Variants in CMIP observed in about 807,000 individuals in gnomAD.
The protein encoded by CMIP is c-Maf inducing protein, also known as C-Maf-inducing protein.
A neutral mutation model predicts 97.3 loss-of-function variants in CMIP; 13 were observed. That is an observed-to-expected ratio of 0.13 (90% CI 0.09 to 0.21). The LOEUF is 0.21. Ranked by LOEUF, CMIP falls within the 10% of genes least tolerant of loss-of-function variation. The pLI, the probability that CMIP is intolerant of heterozygous loss-of-function variation, is 1.00. For synonymous variants in CMIP, 538 were observed against 436.3 expected, an observed-to-expected ratio of 1.23 and a Z score of -2.91; for missense variants, 847 against 1,024.9, an observed-to-expected ratio of 0.83 and a Z score of 2.37.
chr16:81,678,125 G>A (rs1597236836), intron 9 of CMIP, 150 bp from the exon 10 acceptor site: 1 of 663,932 alleles, frequency 1.5e-6, no homozygotes, highest in Non-Finnish European at 2.5e-6. Context: ...CCCAGGCTGA[G>A]CCTCAGTTTC....
chr16:81,529,748 A>C (rs2090196979), intron 1 of CMIP, among the ~76,000 whole-genome samples: 1 of 152,194 alleles, frequency 6.6e-6, no homozygotes, highest in South Asian at 2.1e-4. Context: ...CCCGGCTTTA[A>C]GATGGAGGAA....
intron 15 of CMIP, 138 bp from the exon 16 acceptor site, chr16:81,701,522 C>G: frequency 1.7e-6 from 2 of 1,208,576 alleles, no homozygotes; most frequent in Admixed American, 1.8e-5. Flanking sequence ...GGTGATTTGC[C>G]CAGGCTTACA....
intron 1 of CMIP, among the ~76,000 whole-genome samples, chr16:81,546,612 C>G (rs1567571590): frequency 6.6e-6 from 1 of 152,222 alleles, no homozygotes; most frequent in Admixed American, 6.5e-5. Flanking sequence ...TGTGTGTCTC[C>G]TGCCTGCAGG....
chr16:81,491,914 A>AGTCTTC (rs2089412883), intron 1 of CMIP, among the ~76,000 whole-genome samples: 1 of 152,108 alleles, frequency 6.6e-6, no homozygotes, highest in Non-Finnish European at 1.5e-5. Context: ...CGTTTTACCT[A>AGTCTTC]GTCTTCGCCG....
intron 4 of CMIP, among the ~76,000 whole-genome samples, chr16:81,657,007 A>G (rs2092490500): frequency 6.6e-6 from 1 of 152,036 alleles, no homozygotes; most frequent in African/African-American, 2.4e-5. Flanking sequence ...TTCTCAGACT[A>G]GGTTGCTCAA....
At chr16:81,500,896 C>T (rs150044823) in intron 1 of CMIP, among the ~76,000 whole-genome samples, 4 of 152,240 alleles carry the variant, frequency 2.6e-5, no homozygotes, top group East Asian at 1.9e-4. Flanking sequence ...TGTGCATCTG[C>T]GTCTTTGAAG....
chr16:81,678,146 G>A (rs1488262066), intron 9 of CMIP, 129 bp from the exon 10 acceptor site: 2 of 691,904 alleles, frequency 2.9e-6, no homozygotes, highest in East Asian at 2.8e-5. Context: ...CTCATTTGTA[G>A]CACAGGAATG....
chr16:81,473,305 A>T (rs986631955), intron 1 of CMIP, among the ~76,000 whole-genome samples: 5 of 152,228 alleles, frequency 3.3e-5, no homozygotes, highest in Non-Finnish European at 7.3e-5. Flanking sequence ...GGAATGACAC[A>T]GAAAGGGCAG....
intron 4 of CMIP, among the ~76,000 whole-genome samples, chr16:81,653,302 C>G (rs555787929): frequency 6.6e-6 from 1 of 152,308 alleles, no homozygotes; most frequent in Admixed American, 6.5e-5. Flanking sequence ...TGCCTGGAGC[C>G]CTCCCCTTTC....
At chr16:81,548,274 C>T (rs1044919017) in intron 1 of CMIP, among the ~76,000 whole-genome samples, 3 of 151,954 alleles carry the variant, frequency 2.0e-5, no homozygotes, top group Non-Finnish European at 4.4e-5. Context: ...GCTAGGACTA[C>T]AGGCACAGGC....
intron 5 of CMIP, among the ~76,000 whole-genome samples, chr16:81,659,242 T>C (rs2092518558): frequency 6.6e-6 from 1 of 152,162 alleles, no homozygotes; most frequent in Non-Finnish European, 1.5e-5. Flanking sequence ...CAGACACAGA[T>C]AGAGAGCTGG....
intron 1 of CMIP, among the ~76,000 whole-genome samples, chr16:81,546,815 A>G (rs2090555294): frequency 1.3e-5 from 2 of 152,188 alleles, no homozygotes; most frequent in South Asian, 4.1e-4. Context: ...ATGTATGGCT[A>G]TTTACATTGA....
At chr16:81,632,731 TAC>T (rs2092180447) in intron 3 of CMIP, among the ~76,000 whole-genome samples, 1 of 152,180 alleles carries the variant, frequency 6.6e-6, no homozygotes, top group Non-Finnish European at 1.5e-5. Flanking sequence ...TGCCCCTGGC[TAC>T]AGAGCTGGGA....
At chr16:81,608,375 G>C (rs1366923650) in intron 2 of CMIP, among the ~76,000 whole-genome samples, 1 of 152,146 alleles carries the variant, frequency 6.6e-6, no homozygotes, top group Middle Eastern at 3.2e-3. Context: ...TCTCCTGGCT[G>C]TGCTTCTGTG....
intron 10 of CMIP, among the ~76,000 whole-genome samples, chr16:81,682,983 A>G (rs1489038584): frequency 1.3e-5 from 2 of 152,216 alleles, no homozygotes; most frequent in Non-Finnish European, 2.9e-5. Flanking sequence ...TGGGATTTGT[A>G]GTCATTTGGA....
At chr16:81,687,868 C>G (rs903064838) in intron 10 of CMIP, among the ~76,000 whole-genome samples, 6 of 152,214 alleles carry the variant, frequency 3.9e-5, no homozygotes, top group South Asian at 2.1e-4. Context: ...TATTGCTTCC[C>G]TGCTGTGGCC....
chr16:81,627,997 C>T lies in CMIP; in HGVS notation c.477+7071C>T, dbSNP rs562895175. On this transcript the variant is annotated intron_variant, in intron 3 of 20. Coordinates refer to ENST00000537098, the MANE Select transcript of CMIP (RefSeq NM_198390.3). This position sits in a 1 kb window ranked among gnomAD's most constrained non-coding sequence, Gnocchi z 4.6. ...GCTGCACCCTCAGGAGGGCGGGATC[C>T]ATCACCCTCATCCCCATGCAGGGGA... is the stretch of plus-strand genomic sequence containing the variant. 6.6e-6 allele frequency among the ~76,000 whole-genome samples: 1 copy of T among 152,252 alleles called. No individual in the cohort carries two copies. Among genetic ancestry groups the T allele is most frequent in the South Asian group, 2.1e-4 (1 of 4,834 alleles).
intron 1 of CMIP, among the ~76,000 whole-genome samples, chr16:81,579,399 A>G (rs976494091): frequency 6.6e-6 from 1 of 152,152 alleles, no homozygotes; most frequent in Non-Finnish European, 1.5e-5. Flanking sequence ...TCTGTGCCCC[A>G]AAACAGCCCT....
chr16:81,548,175 TC>T (rs2090585754), intron 1 of CMIP, among the ~76,000 whole-genome samples: 4 of 134,630 alleles, frequency 3.0e-5, no homozygotes, highest in African/African-American at 1.1e-4. Flanking sequence ...CCTCTGTCCC[TC>T]AGGCTAGAGT....
Sources: allele counts gnomAD v4.1 joint callset (sites outside exome capture counted in the v4.1 genomes callset), GRCh38; gene constraint gnomAD v4.1.1; non-coding constraint Gnocchi (gnomAD v3.1); transcripts MANE v1.5; gene names NCBI Gene and HGNC (gene_info 2026-07-23, HGNC 2026-07-21).